Variants in TMBIM6 observed in about 807,000 individuals in gnomAD.
TMBIM6 encodes the protein transmembrane BAX inhibitor motif containing 6.
A neutral mutation model predicts 31.4 loss-of-function variants in TMBIM6; 13 were observed. The ratio of observed to expected loss-of-function variants is 0.41; its 90% CI spans 0.27 to 0.66. The LOEUF (loss-of-function observed/expected upper bound fraction) is 0.66, where lower values mean the gene tolerates loss of function less well. Ranked by LOEUF, TMBIM6 falls within the 30% of genes least tolerant of loss-of-function variation. The pLI is 0.28. For missense variants in TMBIM6, 275 were observed against 289.5 expected, an observed-to-expected ratio of 0.95 and a Z score of 0.36; for synonymous variants, 85 against 101.7, an observed-to-expected ratio of 0.84 and a Z score of 0.99.
intron 4 of TMBIM6, among the ~76,000 whole-genome samples, chr12:49,757,594 ACAGT>A (rs1175525824): frequency 1.3e-5 from 2 of 152,270 alleles, no homozygotes; most frequent in Non-Finnish European, 2.9e-5. Flanking sequence ...GTTCTGAGTG[ACAGT>A]CTAATATACG....
chr12:49,760,111 CAAAAAAAAAA>C (rs796352103), intron 8 of TMBIM6, among the ~76,000 whole-genome samples: 1 of 83,512 alleles, frequency 1.2e-5, no homozygotes, highest in Non-Finnish European at 2.6e-5. Flanking sequence ...GACTCCTTCT[CAAAAAAAAAA>C]AAAAAAAAAG....
At chr12:49,762,020 C>T in intron 9 of TMBIM6, 1 of 488,238 alleles carries the variant, frequency 2.0e-6, no homozygotes, top group Non-Finnish European at 3.6e-6. Context: ...GCTTCAGTGG[C>T]AGTAAACACA....
chr12:49,750,867 T>C (rs1450554953), intron 1 of TMBIM6, among the ~76,000 whole-genome samples: 1 of 152,234 alleles, frequency 6.6e-6, no homozygotes, highest in Non-Finnish European at 1.5e-5. Flanking sequence ...GGACTGTAAC[T>C]TTTATTATTA....
intron 3 of TMBIM6, 148 bp from the exon 4 acceptor site, chr12:49,755,487 C>T (rs1346272899): frequency 1.0e-6 from 1 of 973,912 alleles, no homozygotes; most frequent in East Asian, 2.6e-5. Flanking sequence ...AGCCCCATCC[C>T]TGAGAAAACA....
chr12:49,751,355 G>C (rs1317860180), intron 1 of TMBIM6, among the ~76,000 whole-genome samples: 1 of 152,000 alleles, frequency 6.6e-6, no homozygotes, highest in Non-Finnish European at 1.5e-5. Context: ...TGTATGGTTA[G>C]GGAAAAAATA....
At chr12:49,742,122 C>CCTGG in intron 1 of TMBIM6, 1 of 1,608,132 alleles carries the variant, frequency 6.2e-7, no homozygotes, top group Non-Finnish European at 8.5e-7. Flanking sequence ...CGAGGTAGGG[C>CCTGG]CTGGCGGGCG....
At chr12:49,745,755 C>T (rs894091250) in intron 1 of TMBIM6, among the ~76,000 whole-genome samples, 11 of 150,760 alleles carry the variant, frequency 7.3e-5, no homozygotes, top group African/African-American at 2.4e-4. Flanking sequence ...TTTAGAATTT[C>T]CATCTTTTCC....
chr12:49,760,741 G>T (rs769468532), intron 8 of TMBIM6, among the ~76,000 whole-genome samples: 5 of 151,640 alleles, frequency 3.3e-5, no homozygotes, highest in Non-Finnish European at 5.9e-5. Flanking sequence ...TTGCCACGTT[G>T]CCCCGTGAGG....
chr12:49,757,712 G>A (rs4898528), intron 4 of TMBIM6, among the ~76,000 whole-genome samples: 36 of 152,306 alleles, frequency 2.4e-4, no homozygotes, highest in Admixed American at 3.9e-4. Flanking sequence ...GAAGGAAAGA[G>A]GAAAGTAATT....
intron 7 of TMBIM6, 41 bp downstream of exon 7, chr12:49,758,803 A>G (rs756009062): frequency 6.6e-7 from 1 of 1,515,102 alleles, no homozygotes; most frequent in Non-Finnish European, 9.0e-7. Context: ...CATTTGCCTC[A>G]CACTTCTTTC....
intron 3 of TMBIM6, among the ~76,000 whole-genome samples, chr12:49,755,159 G>T (rs1945565446): frequency 6.6e-6 from 1 of 151,832 alleles, no homozygotes; most frequent in African/African-American, 2.4e-5. Context: ...GTTTCTCCAT[G>T]TTGGTCAGGC....
At position 49,752,528 on chromosome 12, in the gene TMBIM6, C is replaced by T. The variant is rs116901253; in HGVS notation, c.35C>T (p.Ala12Val). ...NIFDRKINFD[A>V]LLKFSHITPS... ...TTTGATCGAAAGATCAACTTTGATG[C>T]GCTTTTAAAATTTTCTCATATGTAA... is the stretch of plus-strand genomic sequence containing the variant. The change falls in exon 2 of 10, where the codon GCG becomes GTG. Residue 12 changes from alanine (A) to valine (V), a missense_variant. Transcript: ENST00000267115. 1.2e-5 allele frequency: 19 copies of T among 1,613,186 alleles called. No homozygotes were observed. The highest frequency in any genetic ancestry group is 1.6e-4 in the Middle Eastern group (1 of 6,082).
intron 1 of TMBIM6, among the ~76,000 whole-genome samples, chr12:49,750,449 A>G (rs1450718849): frequency 6.6e-6 from 1 of 152,186 alleles, no homozygotes; most frequent in African/African-American, 2.4e-5. Flanking sequence ...AGGGGTGTTA[A>G]TGGGAAACCT....
intron 2 of TMBIM6, 77 bp from the exon 3 acceptor site, chr12:49,752,896 A>G: frequency 1.5e-6 from 2 of 1,331,574 alleles, no homozygotes; most frequent in Non-Finnish European, 2.1e-6. Flanking sequence ...AGGAAGGGAA[A>G]GAGAGAAATG....
intron 1 of TMBIM6, chr12:49,742,150 C>T: frequency 1.9e-6 from 3 of 1,612,324 alleles, no homozygotes; most frequent in Non-Finnish European, 2.5e-6. Context: ...TCACACTCCT[C>T]TGTGACACGC....
intron 4 of TMBIM6, among the ~76,000 whole-genome samples, 184 bp from the exon 5 acceptor site, chr12:49,758,043 A>C (rs983812245): frequency 1.3e-5 from 2 of 152,224 alleles, no homozygotes; most frequent in Non-Finnish European, 2.9e-5. Flanking sequence ...TAAAAAAAAA[A>C]AAAACAACGC....
intron 1 of TMBIM6, among the ~76,000 whole-genome samples, chr12:49,745,724 C>CAAAAAAA (rs761232522): frequency 1.8e-5 from 2 of 114,128 alleles, no homozygotes; most frequent in African/African-American, 8.8e-5. Flanking sequence ...GACTCTGTCT[C>CAAAAAAA]AAAAAAAAAA....
intron 1 of TMBIM6, chr12:49,742,082 A>G (rs1341062981): frequency 6.3e-7 from 1 of 1,581,918 alleles, no homozygotes; most frequent in Non-Finnish European, 8.6e-7. Context: ...GGTCGGGCTG[A>G]CCCTGGGTGA....
At chr12:49,749,088 T>A (rs1357025030) in intron 1 of TMBIM6, among the ~76,000 whole-genome samples, 1 of 152,242 alleles carries the variant, frequency 6.6e-6, no homozygotes, top group African/African-American at 2.4e-5. Flanking sequence ...ATATCGGCCA[T>A]TGAAATGTAG....
Sources: allele counts gnomAD v4.1 joint callset (sites outside exome capture counted in the v4.1 genomes callset), GRCh38; gene constraint gnomAD v4.1.1; transcripts MANE v1.5; gene names NCBI Gene and HGNC (gene_info 2026-07-23, HGNC 2026-07-21).